The following SLC39A11 variants were observed in gnomAD, a reference collection of about 807,000 sequenced individuals.
The protein encoded by SLC39A11 is zinc transporter ZIP11.
Under a neutral mutation model 36.1 loss-of-function variants are expected in SLC39A11, and 33 were observed. That is an observed-to-expected ratio of 0.91 (90% CI 0.69 to 1.22). SLC39A11 has a LOEUF of 1.22. Ranked by LOEUF, SLC39A11 falls within the 50% of genes most tolerant of loss-of-function variation. The probability of loss-of-function intolerance (pLI) is 0.00; values close to 1 mark genes in which losing one functional copy is unlikely to be tolerated. For missense variants in SLC39A11, 432 were observed against 430.3 expected (o/e 1.00, Z -0.03); for synonymous variants, 166 against 170.3 (o/e 0.97, Z 0.20).
At chr17:72,987,964 A>G (rs1460667642) in intron 4 of SLC39A11, among the ~76,000 whole-genome samples, 1 of 152,238 alleles carries the variant, frequency 6.6e-6, no homozygotes, top group African/African-American at 2.4e-5. Context: ...AAACCAGAAA[A>G]GAGAGCCACG....
chr17:72,690,020 C>G (rs1199205211), intron 7 of SLC39A11, among the ~76,000 whole-genome samples: 1 of 152,214 alleles, frequency 6.6e-6, no homozygotes, highest in African/African-American at 2.4e-5. Flanking sequence ...ATACACTCCA[C>G]TGGGAGGGGG....
intron 4 of SLC39A11, among the ~76,000 whole-genome samples, chr17:72,999,233 A>G (rs1175458860): frequency 1.3e-5 from 2 of 152,308 alleles, no homozygotes; most frequent in African/African-American, 4.8e-5. Flanking sequence ...CAATTATCCA[A>G]ATTACATTCT....
intron 5 of SLC39A11, among the ~76,000 whole-genome samples, chr17:72,859,101 T>A (rs1598145309): frequency 6.6e-6 from 1 of 152,216 alleles, no homozygotes; most frequent in Admixed American, 6.5e-5. Context: ...CTTCCACCTT[T>A]TCCCCATTCA....
chr17:72,945,043 A>AGATGGATGGATG (rs139488879), intron 5 of SLC39A11, among the ~76,000 whole-genome samples: 46,225 of 150,950 alleles, frequency 0.31, 7,124 homozygotes, highest in African/African-American at 0.33. Flanking sequence ...AGCTAATTGG[A>AGATGGATGGATG]GATGGATGGA....
At chr17:72,738,672 C>T (rs551759892) in intron 6 of SLC39A11, among the ~76,000 whole-genome samples, 7 of 152,278 alleles carry the variant, frequency 4.6e-5, no homozygotes, top group South Asian at 2.1e-4. Flanking sequence ...GATCCAAACA[C>T]GAAGGAGAAC....
At chr17:72,820,061 G>A (rs1388222003) in intron 6 of SLC39A11, among the ~76,000 whole-genome samples, 1 of 151,252 alleles carries the variant, frequency 6.6e-6, no homozygotes, top group Non-Finnish European at 1.5e-5. Context: ...TTGACAACGA[G>A]CACGCCAAAG....
At chr17:72,658,839 T>G (rs140734678) in intron 7 of SLC39A11, among the ~76,000 whole-genome samples, 65 of 152,190 alleles carry the variant, frequency 4.3e-4, no homozygotes, top group Non-Finnish European at 7.1e-4. Context: ...ATGATCACTG[T>G]GAAGTGCCAG....
intron 6 of SLC39A11, among the ~76,000 whole-genome samples, chr17:72,762,867 T>C (rs1255831826): frequency 2.6e-5 from 4 of 152,182 alleles, no homozygotes; most frequent in South Asian, 2.1e-4. Context: ...CTCTCACCCA[T>C]GTCTGTGCTC....
intron 6 of SLC39A11, among the ~76,000 whole-genome samples, chr17:72,824,957 A>C (rs2077952037): frequency 6.6e-6 from 1 of 151,460 alleles, no homozygotes; most frequent in South Asian, 2.1e-4. Context: ...GAAACTTTGC[A>C]GCCTGACCAT....
At chr17:72,849,859 G>A in intron 5 of SLC39A11, 55 bp from the exon 6 acceptor site, 3 of 1,442,490 alleles carry the variant, frequency 2.1e-6, no homozygotes, top group South Asian at 1.4e-5. Context: ...TTGAACATGT[G>A]CACGTTAACT....
intron 4 of SLC39A11, among the ~76,000 whole-genome samples, chr17:73,014,473 G>A (rs764223096): frequency 3.9e-5 from 6 of 152,144 alleles, no homozygotes; most frequent in African/African-American, 4.8e-5. Context: ...CCTGGGCAAC[G>A]TAGCAAGACC....
chr17:72,938,066 C>T lies in SLC39A11; in HGVS notation c.430+9686G>A, dbSNP rs1338403469. ...CAAAATGTTACGACCCTCAAAATCA[C>T]GTTGCAACTCTGAAAATCATGTTTC... is the stretch of plus-strand genomic sequence containing the variant. On this transcript the variant is annotated intron_variant, in intron 5 of 9. Transcript: ENST00000255559. 2.6e-5 allele frequency among the ~76,000 whole-genome samples: 4 copies of T among 152,196 alleles called. 1 individual carries two copies. In the South Asian group the frequency reaches 6.2e-4, roughly 24 times the overall value.
At chr17:72,916,059 T>C (rs1198231285) in intron 5 of SLC39A11, among the ~76,000 whole-genome samples, 1 of 152,138 alleles carries the variant, frequency 6.6e-6, no homozygotes, top group Non-Finnish European at 1.5e-5. Flanking sequence ...TGCTCCATCT[T>C]TTGGAACAAA....
At chr17:73,017,496 T>G (rs1054855642) in intron 4 of SLC39A11, among the ~76,000 whole-genome samples, 8 of 152,148 alleles carry the variant, frequency 5.3e-5, no homozygotes, top group African/African-American at 1.9e-4. Context: ...GTGGATCACC[T>G]GAGGTTAGGA....
At chr17:73,029,004 G>T (rs975885063) in intron 4 of SLC39A11, among the ~76,000 whole-genome samples, 3 of 151,774 alleles carry the variant, frequency 2.0e-5, no homozygotes, top group Non-Finnish European at 4.4e-5. Context: ...TGTAATCCCA[G>T]CTACTCAGGA....
At chr17:72,898,443 G>A (rs188247288) in intron 5 of SLC39A11, among the ~76,000 whole-genome samples, 261 of 152,330 alleles carry the variant, frequency 1.7e-3, no homozygotes, top group African/African-American at 5.8e-3. Context: ...CCCCAGAGGA[G>A]GGAAGGCATG....
intron 7 of SLC39A11, among the ~76,000 whole-genome samples, chr17:72,655,721 G>T (rs1017969126): frequency 5.3e-5 from 8 of 152,220 alleles, no homozygotes; most frequent in Admixed American, 4.6e-4. Flanking sequence ...ATCTGATCTG[G>T]GGAGCTTTGG....
At chr17:72,702,557 G>A (rs1180114248) in intron 7 of SLC39A11, among the ~76,000 whole-genome samples, 1 of 152,182 alleles carries the variant, frequency 6.6e-6, no homozygotes, top group African/African-American at 2.4e-5. Flanking sequence ...GTACACGACA[G>A]TGCCAAGTTC....
At chr17:72,648,095 C>T (rs976121298) in intron 9 of SLC39A11, among the ~76,000 whole-genome samples, 5 of 151,994 alleles carry the variant, frequency 3.3e-5, no homozygotes, top group Admixed American at 6.6e-5. Flanking sequence ...TTTGAGAGGC[C>T]GAGGCAGGCA....
Sources: allele counts gnomAD v4.1 joint callset (sites outside exome capture counted in the v4.1 genomes callset), GRCh38; gene constraint gnomAD v4.1.1; transcripts MANE v1.5; gene names NCBI Gene and HGNC (gene_info 2026-07-23, HGNC 2026-07-21).